PCDH7: variants seen among roughly 807,000 people sequenced by gnomAD.
PCDH7 encodes protocadherin 7.
Under a neutral mutation model 58.9 loss-of-function variants are expected in PCDH7, and 17 were observed. That is an observed-to-expected ratio of 0.29 (90% CI 0.20 to 0.43). The LOEUF (loss-of-function observed/expected upper bound fraction) is 0.43, where lower values mean the gene tolerates loss of function less well. Ranked by LOEUF, PCDH7 falls within the 20% of genes least tolerant of loss-of-function variation. The pLI, the probability that PCDH7 is intolerant of heterozygous loss-of-function variation, is 1.00. For synonymous variants in PCDH7, 664 were observed against 616.4 expected (o/e 1.08, Z -1.14); for missense variants, 1,274 against 1,441.0 (o/e 0.88, Z 1.88).
At chr4:30,749,217 A>C (rs544822210) in intron 1 of PCDH7, among the ~76,000 whole-genome samples, 155 of 152,342 alleles carry the variant, frequency 1.0e-3, no homozygotes, top group African/African-American at 3.5e-3. Flanking sequence ...GTGTGGTTTC[A>C]CCACTCTCAT....
chr4:30,855,897 A>G (rs759179557), intron 1 of PCDH7, among the ~76,000 whole-genome samples: 3 of 152,156 alleles, frequency 2.0e-5, no homozygotes, highest in Admixed American at 6.6e-5. Context: ...CCGGATGGCC[A>G]TTGCCATCAG....
At chr4:31,100,689 C>T (rs1419200180) in intron 3 of PCDH7, among the ~76,000 whole-genome samples, 1 of 152,198 alleles carries the variant, frequency 6.6e-6, no homozygotes, top group Non-Finnish European at 1.5e-5. Flanking sequence ...CCCAGATCTC[C>T]TGGCTCCCTC....
chr4:30,864,928 A>C (rs922794930), intron 1 of PCDH7, among the ~76,000 whole-genome samples: 2 of 152,134 alleles, frequency 1.3e-5, no homozygotes, highest in South Asian at 2.1e-4. Context: ...AACAACCTTC[A>C]GGAGTTTTAT....
At chr4:30,765,764 G>C (rs1720662542) in intron 1 of PCDH7, among the ~76,000 whole-genome samples, 1 of 152,170 alleles carries the variant, frequency 6.6e-6, no homozygotes, top group Non-Finnish European at 1.5e-5. Flanking sequence ...GAAGAAGGGA[G>C]AGCTGTTTTA....
At chr4:30,932,189 C>G (rs1744687656) in intron 2 of PCDH7, among the ~76,000 whole-genome samples, 1 of 152,112 alleles carries the variant, frequency 6.6e-6, no homozygotes, top group South Asian at 2.1e-4. Flanking sequence ...GAAATAGAAT[C>G]TGAATGAGAA....
At chr4:31,073,972 C>T (rs948895505) in intron 3 of PCDH7, among the ~76,000 whole-genome samples, 9 of 151,756 alleles carry the variant, frequency 5.9e-5, no homozygotes, top group Non-Finnish European at 7.4e-5. Flanking sequence ...AACTGCTTTT[C>T]TAGCTATTTT....
At chr4:30,769,117 C>A (rs1054465582) in intron 1 of PCDH7, among the ~76,000 whole-genome samples, 4 of 152,128 alleles carry the variant, frequency 2.6e-5, no homozygotes, top group African/African-American at 9.7e-5. Context: ...TAAGTTTCTC[C>A]AACATAGAAG....
At chr4:31,121,308 A>G (rs534058228) in intron 3 of PCDH7, among the ~76,000 whole-genome samples, 2 of 152,354 alleles carry the variant, frequency 1.3e-5, no homozygotes, top group South Asian at 4.1e-4. Context: ...TATCTTTTTA[A>G]TAACAGAAAA....
chr4:30,766,414 C>T (rs1720756058), intron 1 of PCDH7, among the ~76,000 whole-genome samples: 1 of 151,994 alleles, frequency 6.6e-6, no homozygotes, highest in African/African-American at 2.4e-5. Context: ...ATTTCTATTA[C>T]TATTATTTTT....
chr4:31,065,676 C>A (rs1325937150), intron 3 of PCDH7, among the ~76,000 whole-genome samples: 2 of 151,922 alleles, frequency 1.3e-5, no homozygotes, highest in Admixed American at 6.6e-5. Flanking sequence ...AACGTCTTGT[C>A]TCTGAGACTG....
At chr4:30,986,193 C>CT (rs1345828457) in intron 3 of PCDH7, among the ~76,000 whole-genome samples, 1 of 152,080 alleles carries the variant, frequency 6.6e-6, no homozygotes, top group Non-Finnish European at 1.5e-5. Context: ...AGTATGGAGT[C>CT]TGAGACATCT....
intron 3 of PCDH7, among the ~76,000 whole-genome samples, chr4:31,052,479 A>G (rs75344881): frequency 0.095 from 14,397 of 152,208 alleles, 969 homozygotes; most frequent in Admixed American, 0.19. Flanking sequence ...CAATGAATTC[A>G]ATCCAAAGAT....
intron 3 of PCDH7, among the ~76,000 whole-genome samples, chr4:30,991,392 G>A (rs989087002): frequency 5.3e-5 from 8 of 152,176 alleles, no homozygotes; most frequent in Non-Finnish European, 1.5e-5. Flanking sequence ...TGAGAGGGAG[G>A]AAAGAGGACA....
At chr4:31,121,640 T>C (rs1055596557) in intron 3 of PCDH7, among the ~76,000 whole-genome samples, 2 of 152,168 alleles carry the variant, frequency 1.3e-5, no homozygotes, top group Non-Finnish European at 2.9e-5. Context: ...TCTGTATGTA[T>C]AGATAAGCAC....
intron 3 of PCDH7, among the ~76,000 whole-genome samples, chr4:31,134,823 C>G (rs561103860): frequency 1.3e-5 from 2 of 152,230 alleles, no homozygotes; most frequent in South Asian, 4.1e-4. Context: ...AGAGGCTAGA[C>G]CATGCTTTCT....
downstream of PCDH7, chr4:31,146,410 T>C (rs1165968368): frequency 6.6e-6 from 1 of 152,014 alleles, no homozygotes; most frequent in Non-Finnish European, 1.5e-5. Flanking sequence ...ATCATGAATA[T>C]AGTAAATCTT....
chr4:30,919,530 G>A (rs1742915290), intron 1 of PCDH7, among the ~76,000 whole-genome samples: 2 of 152,080 alleles, frequency 1.3e-5, no homozygotes, highest in African/African-American at 4.8e-5. Flanking sequence ...CCTACTCACT[G>A]TTTAGGGATA....
At chr4:30,831,501 G>C (rs1729773918) in intron 1 of PCDH7, among the ~76,000 whole-genome samples, 1 of 152,102 alleles carries the variant, frequency 6.6e-6, no homozygotes, top group African/African-American at 2.4e-5. Context: ...CTCAGATAAA[G>C]TCTTGAACAT....
intron 3 of PCDH7, among the ~76,000 whole-genome samples, chr4:31,115,366 T>G (rs1204402952): frequency 2.0e-5 from 3 of 152,106 alleles, no homozygotes; most frequent in South Asian, 2.1e-4. Flanking sequence ...TTATTCCCTC[T>G]AAGATATTCA....
Sources: gnomAD v4.1 joint callset for allele counts (sites outside exome capture counted in the v4.1 genomes callset) on GRCh38, gnomAD v4.1.1 for gene constraint, MANE v1.5 for transcripts, NCBI Gene and HGNC (gene_info 2026-07-23, HGNC 2026-07-21) for gene names.